The following ABCA13 variants were observed in gnomAD, a reference collection of about 807,000 sequenced individuals.
The protein encoded by ABCA13 is ATP binding cassette subfamily A member 13.
In ABCA13, 476 loss-of-function variants were observed where a neutral mutation model predicts 478.7. The observed-to-expected ratio is 0.99, with a 90% CI of 0.92 to 1.07. The LOEUF (loss-of-function observed/expected upper bound fraction) is 1.07, where lower values mean the gene tolerates loss of function less well. Among genes scored for constraint, ABCA13 ranks in the 50% least tolerant of loss-of-function variants. The pLI is 0.00. For synonymous variants in ABCA13, 2,252 were observed against 2,158.9 expected (o/e 1.04, Z -1.20); for missense variants, 6,060 against 5,910.6 (o/e 1.03, Z -0.83).
At chr7:48,434,742 C>G (rs892559070) in intron 42 of ABCA13, among the ~76,000 whole-genome samples, 1 of 151,806 alleles carries the variant, frequency 6.6e-6, no homozygotes, top group Non-Finnish European at 1.5e-5. Context: ...TCCAGTATTC[C>G]CCACATCAGT....
intron 45 of ABCA13, among the ~76,000 whole-genome samples, chr7:48,477,130 C>CTT (rs1828189081): frequency 6.6e-6 from 1 of 151,622 alleles, no homozygotes; most frequent in Non-Finnish European, 1.5e-5. Context: ...GGTGGGGGGG[C>CTT]GGTCAATATT....
intron 42 of ABCA13, among the ~76,000 whole-genome samples, chr7:48,453,286 T>A (rs1316707923): frequency 1.3e-5 from 2 of 152,068 alleles, no homozygotes; most frequent in Admixed American, 6.6e-5. Flanking sequence ...TTTAAAATGT[T>A]CCCAGGTTAA....
At position 48,643,268 on chromosome 7, in the gene ABCA13, CT is replaced by C; in HGVS notation, c.14838-19del. 2.0e-6 allele frequency: 3 copies of C among 1,509,968 alleles called. No homozygotes were observed. In the South Asian group the frequency reaches 3.6e-5, roughly 18 times the overall value. The allele number at this position is 1,509,968 out of a possible 1,614,324, so 93.5% of individuals were successfully genotyped here. ...GGTCAATATGATAATAATCATGTTT[CT>C]ATTTTATTTAACTCTCAGGTTTGGT... On this transcript the variant is annotated intron_variant, in intron 59 of 61. Transcript: ENST00000435803.
chr7:48,480,894 A>T, intron 45 of ABCA13, 142 bp from the exon 46 acceptor site: 1 of 624,014 alleles, frequency 1.6e-6, no homozygotes, highest in Non-Finnish European at 2.8e-6. Flanking sequence ...AGATTTTAGA[A>T]ATTAGAACAT....
intron 20 of ABCA13, among the ~76,000 whole-genome samples, chr7:48,291,998 C>G (rs913321693): frequency 6.6e-6 from 1 of 152,234 alleles, no homozygotes; most frequent in South Asian, 2.1e-4. Context: ...GTCTCCAGAC[C>G]CTTTCTGTTC....
At chr7:48,200,153 T>C (rs959006134) in intron 3 of ABCA13, among the ~76,000 whole-genome samples, 1 of 151,884 alleles carries the variant, frequency 6.6e-6, no homozygotes, top group Non-Finnish European at 1.5e-5. Context: ...TCACCTGAGA[T>C]CAGGAGTTCA....
rs753236065 is a variant in ABCA13 at position 48,275,977 on chromosome 7, T to C, written c.6311T>C (p.Phe2104Ser). The change falls in exon 17 of 62, where the codon TTC becomes TCC. Residue 2104 changes from phenylalanine (F) to serine (S), a missense_variant. This residue lies in a region of ABCA13 where 4,423 missense variants were observed against 4,309.1 expected (regional missense o/e 1.03). Transcript: ENST00000435803. Reference sequence around the variant, plus strand: ...AAGATAACTTTGCAGTTTGCCCATTTCCTGGAAATCCTGGATTCACCGTCA... The same window carrying C: ...AAGATAACTTTGCAGTTTGCCCATTCCCTGGAAATCCTGGATTCACCGTCA... ...LQKITLQFAH[F>S]LEILDSPSLK... The C allele has an allele frequency of 3.1e-6, 5 of 1,613,464 alleles. No homozygotes were observed. The South Asian group carries it at 5.5e-5, about 18-fold the overall frequency.
intron 13 of ABCA13, among the ~76,000 whole-genome samples, chr7:48,247,360 C>G (rs561156237): frequency 2.6e-5 from 4 of 152,034 alleles, no homozygotes; most frequent in South Asian, 2.1e-4. Context: ...GGCAGAAATC[C>G]TATCTCAAAT....
At chr7:48,488,795 A>C (rs1384104914) in intron 47 of ABCA13, among the ~76,000 whole-genome samples, 1 of 152,098 alleles carries the variant, frequency 6.6e-6, no homozygotes, top group African/African-American at 2.4e-5. Flanking sequence ...ATGCTCAGCA[A>C]ATGTTCAGTT....
At chr7:48,638,412 C>T (rs1028502174) in intron 59 of ABCA13, among the ~76,000 whole-genome samples, 2 of 152,168 alleles carry the variant, frequency 1.3e-5, no homozygotes, top group Non-Finnish European at 2.9e-5. Flanking sequence ...GTGAAGCTGT[C>T]ATGTCCCTAT....
intron 37 of ABCA13, among the ~76,000 whole-genome samples, chr7:48,391,000 T>C (rs1815963810): frequency 6.6e-6 from 1 of 152,196 alleles, no homozygotes; most frequent in Non-Finnish European, 1.5e-5. Flanking sequence ...GTTTAACTTT[T>C]CAGAAATAAG....
intron 16 of ABCA13, among the ~76,000 whole-genome samples, chr7:48,269,835 A>G (rs1487796823): frequency 2.6e-5 from 4 of 152,204 alleles, no homozygotes; most frequent in South Asian, 2.1e-4. Flanking sequence ...CCATTCTGCT[A>G]TATCTGTCTA....
chr7:48,392,286 T>C, intron 38 of ABCA13, 147 bp downstream of exon 38: 1 of 779,904 alleles, frequency 1.3e-6, no homozygotes, highest in Non-Finnish European at 2.0e-6. Context: ...TATGGAATTA[T>C]GACACAGCCA....
chr7:48,356,844 T>C (rs1270285669), intron 31 of ABCA13, among the ~76,000 whole-genome samples: 1 of 152,022 alleles, frequency 6.6e-6, no homozygotes, highest in Non-Finnish European at 1.5e-5. Flanking sequence ...ATAAAGGAAT[T>C]CAAATGTTAA....
chr7:48,624,044 G>A (rs1235896522), intron 59 of ABCA13, among the ~76,000 whole-genome samples: 1 of 149,934 alleles, frequency 6.7e-6, no homozygotes, highest in Admixed American at 6.7e-5. Flanking sequence ...GAGTTTACGT[G>A]TGAGCACATG....
chr7:48,601,398 G>GC (rs1790884343), intron 58 of ABCA13, among the ~76,000 whole-genome samples: 1 of 151,856 alleles, frequency 6.6e-6, no homozygotes, highest in African/African-American at 2.4e-5. Context: ...CCCGCAACAG[G>GC]CCCCGGTGTG....
chr7:48,544,698 G>A (rs781376627), intron 55 of ABCA13, among the ~76,000 whole-genome samples: 4 of 151,742 alleles, frequency 2.6e-5, no homozygotes, highest in Admixed American at 2.6e-4. Flanking sequence ...ACTGGTAAAT[G>A]CAAATAAGTG....
At chr7:48,367,994 G>C (rs1331018793) in intron 32 of ABCA13, 86 bp downstream of exon 32, 4 of 1,036,996 alleles carry the variant, frequency 3.9e-6, no homozygotes, top group Non-Finnish European at 1.4e-6. Context: ...ACCAACCTGA[G>C]CCTCTCTGTT....
intron 42 of ABCA13, among the ~76,000 whole-genome samples, chr7:48,430,242 T>C (rs1821958566): frequency 6.6e-6 from 1 of 152,250 alleles, no homozygotes; most frequent in Non-Finnish European, 1.5e-5. Context: ...AGATTATCTA[T>C]ATTTTTCTCA....
Sources: gnomAD v4.1 joint callset for allele counts (sites outside exome capture counted in the v4.1 genomes callset) on GRCh38, gnomAD v4.1.1 for gene constraint, gnomAD v4.1.1 regional missense constraint, MANE v1.5 for transcripts, NCBI Gene and HGNC (gene_info 2026-07-23, HGNC 2026-07-21) for gene names.